INPP5A: variants seen among roughly 807,000 people sequenced by gnomAD.
INPP5A encodes the protein inositol polyphosphate-5-phosphatase A, also known as 43 kDa inositol polyphosphate 5-phophatase.
INPP5A carries 14 observed loss-of-function variants against 65.2 expected under a neutral mutation model. That is an observed-to-expected ratio of 0.21 (90% confidence interval 0.14 to 0.34). The LOEUF (loss-of-function observed/expected upper bound fraction) is 0.34, where lower values mean the gene tolerates loss of function less well. Ranked by LOEUF, INPP5A falls within the 10% of genes least tolerant of loss-of-function variation. The probability of loss-of-function intolerance (pLI) is 1.00; values close to 1 mark genes in which losing one functional copy is unlikely to be tolerated. For synonymous variants in INPP5A, 207 were observed against 208.3 expected (o/e 0.99, Z 0.05); for missense variants, 431 against 545.6 (o/e 0.79, Z 2.09).
At chr10:132,689,814 CCCTGTGCTCTGCAA>C (rs1452494464) in intron 4 of INPP5A, among the ~76,000 whole-genome samples, 16 of 152,244 alleles carry the variant, frequency 1.1e-4, no homozygotes, top group Non-Finnish European at 1.9e-4. Flanking sequence ...GAGCAGGGAT[CCCTGTGCTCTGCAA>C]CCATCCGGCT....
intron 9 of INPP5A, among the ~76,000 whole-genome samples, chr10:132,749,165 A>G (rs1175980126): frequency 1.3e-5 from 2 of 152,242 alleles, no homozygotes; most frequent in Non-Finnish European, 2.9e-5. Context: ...GAGGCCGGCC[A>G]TGTGCCCCCG....
intron 12 of INPP5A, among the ~76,000 whole-genome samples, chr10:132,773,098 TG>T (rs1846985893): frequency 6.6e-6 from 1 of 152,266 alleles, no homozygotes; most frequent in Admixed American, 6.5e-5. Flanking sequence ...CTCTGGGCTG[TG>T]GGCCGGCGCA....
Position 132,707,815 on chromosome 10 carries a change from A to G in INPP5A, c.475-498A>G, listed in dbSNP as rs955320190. ...GTGGGTGAGAGGCATCGGTGGGTGA[A>G]CGGCATCGGTGGGTGAGAGGCATCG... On this transcript the variant is annotated intron_variant, in intron 6 of 15. Transcript: ENST00000368594. The surrounding 1 kb of genome is among the most constrained non-coding windows in gnomAD (Gnocchi z 5.5). Among the ~76,000 whole-genome samples the G allele has an allele frequency of 1.1e-4, 17 of 151,254 alleles. No individual in the cohort carries two copies. The highest frequency in any genetic ancestry group is 1.8e-4 in the Non-Finnish European group (12 of 67,688).
intron 1 of INPP5A, among the ~76,000 whole-genome samples, chr10:132,598,738 A>G (rs1410036457): frequency 6.6e-6 from 1 of 152,178 alleles, no homozygotes; most frequent in African/African-American, 2.4e-5. Flanking sequence ...CATGCTGCTG[A>G]TAAAGACGTA....
intron 12 of INPP5A, among the ~76,000 whole-genome samples, chr10:132,772,605 A>G (rs71481953): frequency 1.1e-3 from 87 of 82,762 alleles, no homozygotes; most frequent in Middle Eastern, 7.8e-3. Flanking sequence ...GCACTGACAC[A>G]GAGGCCACGG....
rs1847192798 is a variant in INPP5A at position 132,782,914 on chromosome 10, G to A, written c.*885G>A. 6.6e-6 allele frequency: 1 copy of A among 152,376 alleles called. No individual in the cohort carries two copies. The allele number at this position is 152,376 out of a possible 1,614,324, so 9.4% of individuals were successfully genotyped here. On this transcript the variant is annotated 3_prime_UTR_variant, in exon 16 of 16. Transcript: ENST00000368594. This position sits in a 1 kb window ranked among gnomAD's most constrained non-coding sequence, Gnocchi z 4.4. ...CCTGGGTGTACCTTTTAAGAATTTT[G>A]TAAACCGTTTGTCTGTCTTTTGTTA... is the stretch of plus-strand genomic sequence containing the variant.
intron 8 of INPP5A, among the ~76,000 whole-genome samples, chr10:132,717,510 T>G (rs1201185085): frequency 6.6e-6 from 1 of 151,564 alleles, no homozygotes; most frequent in African/African-American, 2.5e-5. Flanking sequence ...GGGTTCTGCC[T>G]GGAGGAGCCT....
chr10:132,726,733 G>T (rs2134581661), intron 8 of INPP5A, 88 bp from the exon 9 acceptor site: 1 of 891,072 alleles, frequency 1.1e-6, no homozygotes, highest in South Asian at 1.5e-5. Flanking sequence ...AGAGTGTGCG[G>T]ATGGGGAGCG....
chr10:132,718,785 G>A (rs554364383), intron 8 of INPP5A, among the ~76,000 whole-genome samples: 7 of 148,894 alleles, frequency 4.7e-5, no homozygotes, highest in African/African-American at 9.9e-5. Flanking sequence ...GTGGTACCTC[G>A]GTTCTGTCTG....
intron 4 of INPP5A, among the ~76,000 whole-genome samples, chr10:132,653,042 G>T (rs2072599066): frequency 6.6e-6 from 1 of 152,160 alleles, no homozygotes; most frequent in African/African-American, 2.4e-5. Context: ...GGCATCTGAG[G>T]CTCTCCAGCC....
Position 132,610,394 on chromosome 10 carries a change from G to T in INPP5A, c.117+2438G>T, listed in dbSNP as rs115508613. Among the ~76,000 whole-genome samples the T allele has an allele frequency of 4.5e-3, 686 of 152,366 alleles. 5 individuals are homozygous for T. Among genetic ancestry groups the T allele is most frequent in the African/African-American group, 0.016 (653 of 41,600 alleles). On this transcript the variant is annotated intron_variant, in intron 2 of 15. Coordinates refer to ENST00000368594, the MANE Select transcript of INPP5A (RefSeq NM_005539.5). ...GTGGGGGGCGGTTCGTGAACAGGAA[G>T]TAGGGGTTGCCCCGGGCCTAGCTCC...
intron 4 of INPP5A, among the ~76,000 whole-genome samples, chr10:132,661,496 A>G (rs2072736984): frequency 1.3e-5 from 2 of 152,248 alleles, no homozygotes; most frequent in African/African-American, 2.4e-5. Flanking sequence ...AGACCTGTAT[A>G]CTGAGAACTA....
In INPP5A at chr10:132,679,091, G is replaced by A. The variant is rs1356376387; in HGVS notation, c.307-11301G>A. Among the ~76,000 whole-genome samples, 7 of 152,340 alleles carry A rather than the reference G, an allele frequency of 4.6e-5. No homozygotes were observed. In the East Asian group the frequency reaches 9.6e-4, roughly 21 times the overall value. On this transcript the variant is annotated intron_variant, in intron 4 of 15. Coordinates refer to ENST00000368594, the MANE Select transcript of INPP5A (RefSeq NM_005539.5). ...TGTGGAAAAGGCCACCTTGGTGCCC[G>A]GTGGAGAAGAGACCAAGGGGGCTAC...
chr10:132,581,781 A>G (rs1288069901), intron 1 of INPP5A, among the ~76,000 whole-genome samples: 1 of 151,866 alleles, frequency 6.6e-6, no homozygotes, highest in Non-Finnish European at 1.5e-5. Flanking sequence ...TCTGGATACC[A>G]GTCCTTTGTC....
At chr10:132,770,926 C>T (rs530336055) in intron 12 of INPP5A, among the ~76,000 whole-genome samples, 12 of 152,232 alleles carry the variant, frequency 7.9e-5, no homozygotes, top group African/African-American at 2.4e-4. Flanking sequence ...GTGGTGGGGA[C>T]GCCGCCAGCC....
intron 1 of INPP5A, among the ~76,000 whole-genome samples, chr10:132,586,848 G>A (rs1281965551): frequency 6.6e-6 from 1 of 152,222 alleles, no homozygotes; most frequent in Non-Finnish European, 1.5e-5. Flanking sequence ...GCGAGGCCAC[G>A]GTTCTCTCCT....
chr10:132,710,217 G>A (rs1009960693), intron 7 of INPP5A, 120 bp from the exon 8 acceptor site: 16 of 1,176,904 alleles, frequency 1.4e-5, no homozygotes, highest in Middle Eastern at 2.8e-4. Flanking sequence ...CCCGCCTCGG[G>A]TGGCTCCGCA....
At chr10:132,579,649 G>A (rs1051871684) in intron 1 of INPP5A, among the ~76,000 whole-genome samples, 1 of 152,082 alleles carries the variant, frequency 6.6e-6, no homozygotes, top group African/African-American at 2.4e-5. Flanking sequence ...CTGCTTCCCC[G>A]GCCATCCTGC....
At chr10:132,662,252 G>T (rs112636322) in intron 4 of INPP5A, among the ~76,000 whole-genome samples, 1 of 152,114 alleles carries the variant, frequency 6.6e-6, no homozygotes, top group African/African-American at 2.4e-5. Context: ...TAAAAAAAAC[G>T]TTGAAAATAC....
Sources: allele counts gnomAD v4.1 joint callset (sites outside exome capture counted in the v4.1 genomes callset), GRCh38; gene constraint gnomAD v4.1.1; non-coding constraint Gnocchi (gnomAD v3.1); transcripts MANE v1.5; gene names NCBI Gene and HGNC (gene_info 2026-07-23, HGNC 2026-07-21).